The following ARHGAP10 variants were observed in gnomAD, a reference collection of about 807,000 sequenced individuals.
The protein encoded by ARHGAP10 is rho GTPase-activating protein 10.
ARHGAP10 carries 87 observed loss-of-function variants against 108.6 expected under a neutral mutation model. The ratio of observed to expected loss-of-function variants is 0.80; its 90% CI spans 0.67 to 0.96. The LOEUF (loss-of-function observed/expected upper bound fraction) is 0.96. ARHGAP10 is among the 40% of genes least tolerant of loss of function. ARHGAP10 has a pLI of 0.00. For missense variants in ARHGAP10, 939 were observed against 954.5 expected (o/e 0.98, Z 0.21); for synonymous variants, 347 against 341.1 (o/e 1.02, Z -0.19).
intron 18 of ARHGAP10, among the ~76,000 whole-genome samples, chr4:148,021,237 G>A (rs1741556840): frequency 6.6e-6 from 1 of 152,082 alleles, no homozygotes; most frequent in Non-Finnish European, 1.5e-5. Context: ...GTCTGGCTCT[G>A]CAGTTTGGGG....
intron 1 of ARHGAP10, among the ~76,000 whole-genome samples, chr4:147,806,024 T>G (rs1731769177): frequency 6.6e-6 from 1 of 152,174 alleles, no homozygotes; most frequent in South Asian, 2.1e-4. Context: ...CCCTTTATTA[T>G]AATAAAATTT....
intron 15 of ARHGAP10, 61 bp downstream of exon 15, chr4:147,946,765 G>C: frequency 7.8e-7 from 1 of 1,276,936 alleles, no homozygotes; most frequent in Non-Finnish European, 1.1e-6. Context: ...ACATAAAACA[G>C]ATGCCAATTG....
At chr4:147,859,376 G>T (rs547678837) in intron 5 of ARHGAP10, among the ~76,000 whole-genome samples, 1 of 150,766 alleles carries the variant, frequency 6.6e-6, no homozygotes, top group Non-Finnish European at 1.5e-5. Context: ...GGATTCAAGC[G>T]ATTTTCCTGC....
At chr4:148,040,821 G>GT (rs113717450) in intron 19 of ARHGAP10, among the ~76,000 whole-genome samples, 7 of 151,998 alleles carry the variant, frequency 4.6e-5, no homozygotes, top group African/African-American at 1.5e-4. Flanking sequence ...ATTTGGGGGG[G>GT]GTTATTTGGT....
rs151046533 is a variant in ARHGAP10 at position 148,006,337 on chromosome 4, C to T, written c.1717-16926C>T. On this transcript the variant is annotated intron_variant, in intron 18 of 22. Transcript: ENST00000336498. ...TCATCCCAGACGTTAGCAGACATGA[C>T]GTGGGGAAAACGGAGGCACCCAGCT... is the stretch of plus-strand genomic sequence containing the variant. Among the ~76,000 whole-genome samples, 54 of 152,332 alleles carry T rather than the reference C, an allele frequency of 3.5e-4. No individual in the cohort carries two copies. The East Asian group carries it at 8.1e-3, about 23-fold the overall frequency.
intron 18 of ARHGAP10, among the ~76,000 whole-genome samples, chr4:148,016,135 C>T (rs1378441079): frequency 6.6e-6 from 1 of 152,166 alleles, no homozygotes; most frequent in Non-Finnish European, 1.5e-5. Flanking sequence ...TATTTGAGAT[C>T]ATAGGAATAT....
rs911081224 is a variant in ARHGAP10 at position 148,064,342 on chromosome 4, G to C, written c.2181-74G>C. The C allele has an allele frequency of 5.1e-6, 7 of 1,363,312 alleles. No homozygotes were observed. The South Asian group carries it at 6.5e-5, about 13-fold the overall frequency. The allele number at this position is 1,363,312 out of a possible 1,614,324, so 84.5% of individuals were successfully genotyped here. A position where few individuals can be genotyped will look rare whatever the true frequency, so the allele number is the denominator to read the frequency against. Reference sequence around the variant, plus strand: ...GTGACATCAGTGAGATTTGGGGAAGGGGGGTTGGGGGGTGAAGTTTCTCTC... The same window carrying C: ...GTGACATCAGTGAGATTTGGGGAAGCGGGGTTGGGGGGTGAAGTTTCTCTC... On this transcript the variant is annotated intron_variant, in intron 21 of 22. Coordinates refer to ENST00000336498, the MANE Select transcript of ARHGAP10 (RefSeq NM_024605.4).
chr4:147,814,363 G>A (rs1732149371), intron 1 of ARHGAP10, among the ~76,000 whole-genome samples: 2 of 152,000 alleles, frequency 1.3e-5, no homozygotes, highest in Admixed American at 1.3e-4. Flanking sequence ...AGAAATGAGG[G>A]AGTTATACAG....
chr4:147,782,382 A>G (rs1730571037), intron 1 of ARHGAP10, among the ~76,000 whole-genome samples: 1 of 152,156 alleles, frequency 6.6e-6, no homozygotes, highest in Non-Finnish European at 1.5e-5. Context: ...TATTATCAGC[A>G]TGAAATTAAT....
intron 18 of ARHGAP10, among the ~76,000 whole-genome samples, chr4:147,972,208 G>T (rs141604198): frequency 6.6e-6 from 1 of 152,116 alleles, no homozygotes; most frequent in Non-Finnish European, 1.5e-5. Flanking sequence ...TGAGATTGGC[G>T]TAAGAAAATA....
At chr4:147,923,416 A>G (rs1737327646) in intron 13 of ARHGAP10, among the ~76,000 whole-genome samples, 1 of 152,230 alleles carries the variant, frequency 6.6e-6, no homozygotes, top group African/African-American at 2.4e-5. Flanking sequence ...GCTTAAAAAC[A>G]TCTTTTAGTT....
chr4:148,000,572 T>A (rs1032836497), intron 18 of ARHGAP10, among the ~76,000 whole-genome samples: 1 of 152,332 alleles, frequency 6.6e-6, no homozygotes, highest in Admixed American at 6.5e-5. Flanking sequence ...TTTCTCCACC[T>A]TCTCTGCAGC....
intron 3 of ARHGAP10, among the ~76,000 whole-genome samples, chr4:147,824,785 C>G (rs1324204886): frequency 6.6e-6 from 1 of 152,202 alleles, no homozygotes; most frequent in Non-Finnish European, 1.5e-5. Flanking sequence ...CTGCCCTTGA[C>G]ATGTGGGGAT....
At chr4:147,750,601 C>CTT (rs773142482) in intron 1 of ARHGAP10, among the ~76,000 whole-genome samples, 31 of 142,920 alleles carry the variant, frequency 2.2e-4, no homozygotes, top group African/African-American at 7.2e-4. Flanking sequence ...TATAAAATAT[C>CTT]TTTTTTTTTT....
At chr4:148,033,015 C>T (rs946409608) in intron 19 of ARHGAP10, among the ~76,000 whole-genome samples, 4 of 152,182 alleles carry the variant, frequency 2.6e-5, no homozygotes, top group Non-Finnish European at 5.9e-5. Flanking sequence ...CAATACTTTG[C>T]ATCCTTCAAT....
chr4:147,944,250 A>G (rs967953782), intron 14 of ARHGAP10, among the ~76,000 whole-genome samples: 1 of 152,216 alleles, frequency 6.6e-6, no homozygotes, highest in Non-Finnish European at 1.5e-5. Context: ...GATTTCTTGA[A>G]TGTATCTGTG....
At chr4:147,769,890 A>T (rs7673606) in intron 1 of ARHGAP10, among the ~76,000 whole-genome samples, 2 of 152,090 alleles carry the variant, frequency 1.3e-5, no homozygotes, top group Admixed American at 1.3e-4. Flanking sequence ...AGGGACTGCC[A>T]CTTTTCTCTA....
At chr4:148,071,941 A>G in intron 22 of ARHGAP10, 52 bp from the exon 23 acceptor site, 1 of 1,498,538 alleles carries the variant, frequency 6.7e-7, no homozygotes, top group Non-Finnish European at 9.2e-7. Context: ...AACACCCAGG[A>G]GGCAAGTACT....
At chr4:148,053,446 G>T (rs191632207) in intron 20 of ARHGAP10, among the ~76,000 whole-genome samples, 1 of 152,138 alleles carries the variant, frequency 6.6e-6, no homozygotes, top group Non-Finnish European at 1.5e-5. Flanking sequence ...TGGTTGCTGC[G>T]CATTTATCAT....
Sources: gnomAD v4.1 joint callset for allele counts (sites outside exome capture counted in the v4.1 genomes callset) on GRCh38, gnomAD v4.1.1 for gene constraint, MANE v1.5 for transcripts, NCBI Gene and HGNC (gene_info 2026-07-23, HGNC 2026-07-21) for gene names.